Variants in DGKB observed in about 807,000 individuals in gnomAD.
The protein encoded by DGKB is diacylglycerol kinase beta.
Under a neutral mutation model 114.3 loss-of-function variants are expected in DGKB, and 67 were observed. The ratio of observed to expected loss-of-function variants is 0.59; its 90% CI spans 0.48 to 0.72. DGKB has a LOEUF of 0.72. Among genes scored for constraint, DGKB ranks in the 30% least tolerant of loss-of-function variants. The probability of loss-of-function intolerance (pLI) is 0.00; values close to 1 mark genes in which losing one functional copy is unlikely to be tolerated. For missense variants in DGKB, 907 were observed against 975.2 expected (o/e 0.93, Z 0.93); for synonymous variants, 398 against 323.1 (o/e 1.23, Z -2.49).
intron 13 of DGKB, among the ~76,000 whole-genome samples, chr7:14,634,481 TAC>T (rs34758174): frequency 0.045 from 6,547 of 145,186 alleles, 171 homozygotes; most frequent in South Asian, 0.068. Context: ...TACAAAGTGA[TAC>T]ACACACACAC....
At chr7:14,913,035 C>A (rs1398427856) in intron 1 of DGKB, among the ~76,000 whole-genome samples, 1 of 152,094 alleles carries the variant, frequency 6.6e-6, no homozygotes. Flanking sequence ...GATGTCATTT[C>A]CTTCAGTTTC....
intron 23 of DGKB, among the ~76,000 whole-genome samples, chr7:14,328,591 C>T (rs1809166727): frequency 6.6e-6 from 1 of 151,918 alleles, no homozygotes; most frequent in South Asian, 2.1e-4. Flanking sequence ...CAACGAGGAG[C>T]AATCTTTCAG....
At chr7:14,176,076 C>T (rs1268951854) in intron 25 of DGKB, 1 of 151,652 alleles carries the variant, frequency 6.6e-6, no homozygotes, top group Non-Finnish European at 1.5e-5. Context: ...CCTAATCCAG[C>T]TTCTTATCAT....
intron 1 of DGKB, among the ~76,000 whole-genome samples, chr7:14,892,927 T>A (rs564287760): frequency 6.6e-6 from 1 of 150,424 alleles, no homozygotes; most frequent in Non-Finnish European, 1.5e-5. Context: ...CATATACATA[T>A]CTATGTGTAT....
chr7:14,219,661 T>C, intron 23 of DGKB, among the ~76,000 whole-genome samples: 1 of 151,842 alleles, frequency 6.6e-6, no homozygotes, highest in East Asian at 1.9e-4. Context: ...GTTGTATCAT[T>C]ACATATTATA....
At chr7:14,329,791 T>G (rs1419538911) in intron 23 of DGKB, among the ~76,000 whole-genome samples, 3 of 152,062 alleles carry the variant, frequency 2.0e-5, no homozygotes, top group Admixed American at 2.0e-4. Flanking sequence ...TGTCTACTAT[T>G]AGAAGGTATA....
chr7:14,735,078 T>C (rs917851143), intron 5 of DGKB, among the ~76,000 whole-genome samples: 3 of 152,156 alleles, frequency 2.0e-5, no homozygotes, highest in Non-Finnish European at 4.4e-5. Flanking sequence ...TCTAAAGCAG[T>C]GTAGGCTCTA....
chr7:14,779,505 T>C (rs1054115257), intron 2 of DGKB, among the ~76,000 whole-genome samples: 2 of 152,172 alleles, frequency 1.3e-5, no homozygotes, highest in Non-Finnish European at 2.9e-5. Context: ...TACTGTATTC[T>C]AGCCTGGGCA....
At chr7:14,936,670 C>T (rs1004768941) in intron 1 of DGKB, among the ~76,000 whole-genome samples, 2 of 152,044 alleles carry the variant, frequency 1.3e-5, no homozygotes, top group Non-Finnish European at 1.5e-5. Flanking sequence ...TTTGCGGGCT[C>T]GGCATCCTCC....
At chr7:14,621,991 C>T (rs768042710) in intron 14 of DGKB, among the ~76,000 whole-genome samples, 3 of 152,010 alleles carry the variant, frequency 2.0e-5, no homozygotes, top group Non-Finnish European at 2.9e-5. Context: ...TTACTTTGTT[C>T]CTCATAGTAA....
chr7:14,659,268 C>A (rs542545664), intron 13 of DGKB, among the ~76,000 whole-genome samples: 10 of 152,136 alleles, frequency 6.6e-5, no homozygotes, highest in Admixed American at 3.3e-4. Context: ...TCATTTCCTG[C>A]TAATGGACAG....
At chr7:14,161,837 G>A (rs1171652244) in intron 25 of DGKB, among the ~76,000 whole-genome samples, 1 of 151,968 alleles carries the variant, frequency 6.6e-6, no homozygotes. Flanking sequence ...AAAAGTCTTT[G>A]AGTTTTTTAA....
chr7:14,823,717 G>C (rs115830809), intron 2 of DGKB, among the ~76,000 whole-genome samples: 2,326 of 152,212 alleles, frequency 0.015, 59 homozygotes, highest in African/African-American at 0.053. Context: ...TTAGAAGAAA[G>C]TGAGGCTAAA....
intron 1 of DGKB, among the ~76,000 whole-genome samples, chr7:14,891,348 A>G (rs1781198954): frequency 6.6e-6 from 1 of 151,450 alleles, no homozygotes; most frequent in South Asian, 2.1e-4. Context: ...AGAAAGGGGC[A>G]TTATCAGAGT....
chr7:14,528,289 AGTGACCTT>A (rs1790974579), intron 20 of DGKB, among the ~76,000 whole-genome samples: 2 of 152,112 alleles, frequency 1.3e-5, no homozygotes, highest in African/African-American at 4.8e-5. Flanking sequence ...TGCAGACTGC[AGTGACCTT>A]TCTATAACTG....
intron 20 of DGKB, among the ~76,000 whole-genome samples, chr7:14,560,855 C>T (rs1796554117): frequency 1.3e-5 from 2 of 152,192 alleles, no homozygotes; most frequent in Non-Finnish European, 2.9e-5. Flanking sequence ...CAAATCTTCA[C>T]AATCACCTGT....
At chr7:14,969,383 C>G (rs1309603967) in intron 1 of DGKB, among the ~76,000 whole-genome samples, 1 of 152,132 alleles carries the variant, frequency 6.6e-6, no homozygotes, top group African/African-American at 2.4e-5. Flanking sequence ...GTGATTTCCT[C>G]TTTGTGTAAA....
intron 2 of DGKB, among the ~76,000 whole-genome samples, chr7:14,796,001 C>A (rs932525148): frequency 2.0e-5 from 3 of 152,072 alleles, no homozygotes; most frequent in African/African-American, 4.8e-5. Context: ...TTGAAAATAA[C>A]CCTTATCTCT....
chr7:14,782,639 C>T (rs1160582289), intron 2 of DGKB, among the ~76,000 whole-genome samples: 2 of 151,936 alleles, frequency 1.3e-5, no homozygotes, highest in Non-Finnish European at 1.5e-5. Flanking sequence ...TAGAGAATTA[C>T]AGGTGATGAA....
Sources: gnomAD v4.1 joint callset for allele counts (sites outside exome capture counted in the v4.1 genomes callset) on GRCh38, gnomAD v4.1.1 for gene constraint, MANE v1.5 for transcripts, NCBI Gene and HGNC (gene_info 2026-07-23, HGNC 2026-07-21) for gene names.